The following VPS13B variants were observed in gnomAD, a reference collection of about 807,000 sequenced individuals.
The protein encoded by VPS13B is vacuolar protein sorting 13 homolog B, also known as intermembrane lipid transfer protein VPS13B.
A neutral mutation model predicts 426.4 loss-of-function variants in VPS13B; 285 were observed. The ratio of observed to expected loss-of-function variants is 0.67; its 90% CI spans 0.61 to 0.74. The LOEUF is 0.74. Among genes scored for constraint, VPS13B ranks in the 30% least tolerant of loss-of-function variants. The probability of loss-of-function intolerance (pLI) is 0.00; values close to 1 mark genes in which losing one functional copy is unlikely to be tolerated. For synonymous variants in VPS13B, 1,676 were observed against 1,676.4 expected (o/e 1.00, Z 0.01); for missense variants, 4,537 against 4,782.6 (o/e 0.95, Z 1.51).
intron 23 of VPS13B, among the ~76,000 whole-genome samples, chr8:99,449,493 A>G (rs552990254): frequency 6.6e-6 from 1 of 152,318 alleles, no homozygotes; most frequent in African/African-American, 2.4e-5. Context: ...ATGAAAAAAG[A>G]TAGGATTATC....
intron 8 of VPS13B, among the ~76,000 whole-genome samples, chr8:99,129,037 C>G: frequency 6.6e-6 from 1 of 151,798 alleles, no homozygotes; most frequent in Non-Finnish European, 1.5e-5. Flanking sequence ...TCAATGTTTT[C>G]TAATATGACA....
At chr8:99,648,752 A>G (rs1588585722) in intron 34 of VPS13B, among the ~76,000 whole-genome samples, 1 of 152,256 alleles carries the variant, frequency 6.6e-6, no homozygotes, top group South Asian at 2.1e-4. Flanking sequence ...CAGTAATCTT[A>G]TATATTTTAA....
At chr8:99,790,116 A>T (rs2130722532) in intron 43 of VPS13B, among the ~76,000 whole-genome samples, 1 of 152,288 alleles carries the variant, frequency 6.6e-6, no homozygotes, top group Admixed American at 6.5e-5. Context: ...ATTACTTCTT[A>T]TACAAACTAT....
intron 19 of VPS13B, among the ~76,000 whole-genome samples, chr8:99,377,075 T>A (rs1813530226): frequency 6.6e-6 from 1 of 152,092 alleles, no homozygotes; most frequent in Non-Finnish European, 1.5e-5. Flanking sequence ...ATTCTTTCCT[T>A]AGGTGATCTG....
chr8:99,669,534 A>G (rs914126200), intron 35 of VPS13B, among the ~76,000 whole-genome samples: 1 of 152,170 alleles, frequency 6.6e-6, no homozygotes, highest in African/African-American at 2.4e-5. Context: ...CACATTCATC[A>G]TATAATTTAA....
intron 17 of VPS13B, among the ~76,000 whole-genome samples, chr8:99,246,835 G>A (rs1402295604): frequency 1.5e-5 from 2 of 135,610 alleles, no homozygotes; most frequent in Non-Finnish European, 3.1e-5. Flanking sequence ...GGGCGACAGA[G>A]CAAGACTCTG....
intron 39 of VPS13B, among the ~76,000 whole-genome samples, chr8:99,752,826 C>T (rs1810465490): frequency 6.6e-6 from 1 of 152,138 alleles, no homozygotes; most frequent in Admixed American, 6.5e-5. Context: ...AATGATTACA[C>T]CTTTTTAGCT....
intron 19 of VPS13B, among the ~76,000 whole-genome samples, chr8:99,290,533 A>G (rs1778446470): frequency 6.6e-6 from 1 of 152,002 alleles, no homozygotes; most frequent in Non-Finnish European, 1.5e-5. Context: ...AAGGGATAGC[A>G]TTAGGAGATA....
chr8:99,403,060 T>C (rs1037134443), intron 21 of VPS13B, among the ~76,000 whole-genome samples: 2 of 152,226 alleles, frequency 1.3e-5, no homozygotes, highest in African/African-American at 4.8e-5. Context: ...AGACTACTTA[T>C]TGAATCCCAT....
At chr8:99,634,020 C>T (rs184195651) in intron 33 of VPS13B, among the ~76,000 whole-genome samples, 349 of 151,988 alleles carry the variant, frequency 2.3e-3, no homozygotes, top group Non-Finnish European at 3.9e-3. Context: ...TTGAGTTAAA[C>T]TATATGCAAA....
intron 17 of VPS13B, among the ~76,000 whole-genome samples, chr8:99,193,820 T>A (rs1243955466): frequency 6.6e-6 from 1 of 152,182 alleles, no homozygotes. Flanking sequence ...AGCCATTAAC[T>A]AATGTAAAAT....
intron 39 of VPS13B, among the ~76,000 whole-genome samples, chr8:99,741,263 A>G (rs1424446131): frequency 6.6e-6 from 1 of 152,232 alleles, no homozygotes; most frequent in East Asian, 1.9e-4. Flanking sequence ...CAATTCAACA[A>G]GAAGAGCTAA....
At chr8:99,676,347 C>A (rs1250983899) in intron 35 of VPS13B, among the ~76,000 whole-genome samples, 4 of 151,992 alleles carry the variant, frequency 2.6e-5, no homozygotes, top group African/African-American at 9.7e-5. Context: ...GTGATTCAGG[C>A]CAGTGATCAA....
chr8:99,811,882 T>G (rs1588734790), intron 44 of VPS13B, among the ~76,000 whole-genome samples: 1 of 152,140 alleles, frequency 6.6e-6, no homozygotes, highest in Non-Finnish European at 1.5e-5. Flanking sequence ...GTGCCTGCCC[T>G]CCTGCCATAG....
intron 33 of VPS13B, among the ~76,000 whole-genome samples, chr8:99,580,304 T>C (rs1399459990): frequency 2.7e-5 from 4 of 147,910 alleles, no homozygotes; most frequent in African/African-American, 9.9e-5. Context: ...TAATTATGTA[T>C]AATTAATATA....
chr8:99,681,609 A>C (rs1253252153), intron 35 of VPS13B, among the ~76,000 whole-genome samples: 2 of 152,186 alleles, frequency 1.3e-5, no homozygotes, highest in Admixed American at 1.3e-4. Flanking sequence ...TTGAGTCTGC[A>C]GTGAGCTAGG....
chr8:99,239,149 T>G (rs914679509), intron 17 of VPS13B, among the ~76,000 whole-genome samples: 1 of 152,146 alleles, frequency 6.6e-6, no homozygotes, highest in African/African-American at 2.4e-5. Flanking sequence ...AATGTGTATT[T>G]CAGCAATTAT....
At chr8:99,499,178 C>G (rs1026968486) in intron 25 of VPS13B, among the ~76,000 whole-genome samples, 2 of 152,084 alleles carry the variant, frequency 1.3e-5, no homozygotes, top group Non-Finnish European at 2.9e-5. Flanking sequence ...GAAAATAGTT[C>G]AGCATCTCCA....
chr8:99,251,876 C>T (rs1049778084), intron 17 of VPS13B, among the ~76,000 whole-genome samples: 2 of 151,798 alleles, frequency 1.3e-5, no homozygotes, highest in African/African-American at 4.8e-5. Flanking sequence ...TGTAGAGTTG[C>T]TTGTTTTCAA....
Sources: gnomAD v4.1 joint callset for allele counts (sites outside exome capture counted in the v4.1 genomes callset) on GRCh38, gnomAD v4.1.1 for gene constraint, MANE v1.5 for transcripts, NCBI Gene and HGNC (gene_info 2026-07-23, HGNC 2026-07-21) for gene names.